The following DPP10 variants were observed in gnomAD, a reference collection of about 807,000 sequenced individuals.
DPP10 encodes dipeptidyl peptidase like 10.
DPP10 carries 33 observed loss-of-function variants against 120.9 expected under a neutral mutation model. That is an observed-to-expected ratio of 0.27 (90% CI 0.21 to 0.37). The LOEUF (loss-of-function observed/expected upper bound fraction) is 0.37. DPP10 is among the 10% of genes least tolerant of loss of function. The probability of loss-of-function intolerance (pLI) is 1.00; values close to 1 mark genes in which losing one functional copy is unlikely to be tolerated. For missense variants in DPP10, 816 were observed against 942.8 expected (o/e 0.87, Z 1.76); for synonymous variants, 337 against 326.1 (o/e 1.03, Z -0.36).
intron 1 of DPP10, among the ~76,000 whole-genome samples, chr2:114,708,634 T>TA (rs578002303): frequency 2.2e-4 from 34 of 151,890 alleles, no homozygotes; most frequent in African/African-American, 5.1e-4. Context: ...ATCACTGTGG[T>TA]AAAAAAAAGG....
intron 1 of DPP10, among the ~76,000 whole-genome samples, chr2:115,013,064 T>G (rs1380341442): frequency 6.6e-6 from 1 of 152,176 alleles, no homozygotes; most frequent in Admixed American, 6.5e-5. Flanking sequence ...ATTTTGCCCA[T>G]TAGTTGACGC....
chr2:114,897,778 C>A (rs1020463756), intron 1 of DPP10, among the ~76,000 whole-genome samples: 1 of 152,144 alleles, frequency 6.6e-6, no homozygotes, highest in Admixed American at 6.5e-5. Context: ...TAGAGAAATG[C>A]AAATCAAAAC....
At chr2:114,823,981 G>C (rs1055060806) in intron 1 of DPP10, among the ~76,000 whole-genome samples, 2 of 152,130 alleles carry the variant, frequency 1.3e-5, no homozygotes, top group Non-Finnish European at 2.9e-5. Flanking sequence ...TCAACAGAAG[G>C]GCTTTCCAAA....
At chr2:115,549,851 G>A (rs1216708057) in intron 5 of DPP10, among the ~76,000 whole-genome samples, 2 of 152,046 alleles carry the variant, frequency 1.3e-5, no homozygotes, top group Non-Finnish European at 1.5e-5. Context: ...CCATGCTCCA[G>A]GAACATTTGA....
At chr2:115,224,266 ATG>A (rs766909767) in intron 1 of DPP10, among the ~76,000 whole-genome samples, 1 of 152,140 alleles carries the variant, frequency 6.6e-6, no homozygotes, top group Non-Finnish European at 1.5e-5. Flanking sequence ...TGAGTTAACT[ATG>A]TGAAAGTTAG....
intron 1 of DPP10, among the ~76,000 whole-genome samples, chr2:114,565,426 A>G (rs969068129): frequency 2.0e-5 from 3 of 152,178 alleles, no homozygotes; most frequent in African/African-American, 7.2e-5. Context: ...CACTTAAAGC[A>G]TTCTTATTGA....
At chr2:114,613,598 C>A (rs1300318179) in intron 1 of DPP10, among the ~76,000 whole-genome samples, 1 of 152,098 alleles carries the variant, frequency 6.6e-6, no homozygotes, top group African/African-American at 2.4e-5. Flanking sequence ...CATGACCCAG[C>A]AATCCCTTTA....
At chr2:115,305,151 C>G (rs1186389954) in intron 1 of DPP10, among the ~76,000 whole-genome samples, 1 of 152,016 alleles carries the variant, frequency 6.6e-6, no homozygotes, top group African/African-American at 2.4e-5. Flanking sequence ...TTCTAGACCC[C>G]CTCCTTGTGA....
intron 1 of DPP10, among the ~76,000 whole-genome samples, chr2:114,840,520 C>A (rs1688074460): frequency 6.6e-6 from 1 of 152,084 alleles, no homozygotes; most frequent in African/African-American, 2.4e-5. Flanking sequence ...ATAATCAAAA[C>A]CCCCCAAAAC....
chr2:114,529,841 C>T (rs1176881097), intron 1 of DPP10, among the ~76,000 whole-genome samples: 3 of 152,210 alleles, frequency 2.0e-5, no homozygotes, highest in South Asian at 4.1e-4. Context: ...TCCCTCCTCC[C>T]TCCCTCTGTC....
At chr2:115,590,663 A>G (rs1461705906) in intron 5 of DPP10, among the ~76,000 whole-genome samples, 1 of 152,200 alleles carries the variant, frequency 6.6e-6, no homozygotes, top group East Asian at 1.9e-4. Flanking sequence ...CATGATTTAC[A>G]GTCCTTTGGG....
At chr2:114,591,104 A>G (rs148172851) in intron 1 of DPP10, among the ~76,000 whole-genome samples, 103 of 152,302 alleles carry the variant, frequency 6.8e-4, no homozygotes, top group African/African-American at 2.2e-3. Flanking sequence ...CAGAGCAGGG[A>G]GAAGGGTTAG....
At chr2:115,086,774 A>G (rs577607762) in intron 1 of DPP10, among the ~76,000 whole-genome samples, 33 of 152,246 alleles carry the variant, frequency 2.2e-4, no homozygotes, top group Non-Finnish European at 3.7e-4. Flanking sequence ...TATTTCTTAA[A>G]TGTATTTAAT....
chr2:115,264,118 T>G (rs939401426), intron 1 of DPP10, among the ~76,000 whole-genome samples: 1 of 152,118 alleles, frequency 6.6e-6, no homozygotes, highest in Non-Finnish European at 1.5e-5. Context: ...TTTTCAAGAG[T>G]GTTAACAGGT....
At chr2:114,786,369 A>G (rs1402060846) in intron 1 of DPP10, among the ~76,000 whole-genome samples, 1 of 152,234 alleles carries the variant, frequency 6.6e-6, no homozygotes, top group Non-Finnish European at 1.5e-5. Context: ...CCTCCAGGGT[A>G]GGAGAATAAT....
In DPP10 at chr2:115,689,823, A is replaced by T; in HGVS notation, c.495-17A>T. The T allele has an allele frequency of 6.2e-7, 1 of 1,611,642 alleles. No homozygotes were observed. The highest frequency in any genetic ancestry group is 1.1e-5 in the South Asian group (1 of 90,992). Reference sequence around the variant, plus strand: ...GATATCAGTTTGTTCATGTAAAAATATTCACATTTTTTCAAGGGAAGTTTG... The same window carrying T: ...GATATCAGTTTGTTCATGTAAAAATTTTCACATTTTTTCAAGGGAAGTTTG... On this transcript the variant is annotated splice_polypyrimidine_tract_variant and intron_variant, in intron 6 of 25. Transcript: ENST00000410059.
intron 1 of DPP10, among the ~76,000 whole-genome samples, chr2:115,184,024 GT>G (rs1253846176): frequency 6.6e-6 from 1 of 152,100 alleles, no homozygotes; most frequent in Non-Finnish European, 1.5e-5. Context: ...TGCAACATTA[GT>G]TTTAACTTTA....
At chr2:114,879,699 AG>A (rs1277146395) in intron 1 of DPP10, among the ~76,000 whole-genome samples, 3 of 152,006 alleles carry the variant, frequency 2.0e-5, no homozygotes, top group African/African-American at 7.2e-5. Flanking sequence ...GAAAATTGAA[AG>A]AAAAAAAACA....
chr2:114,552,539 T>C (rs1225706332), intron 1 of DPP10, among the ~76,000 whole-genome samples: 3 of 152,122 alleles, frequency 2.0e-5, no homozygotes, highest in Non-Finnish European at 4.4e-5. Context: ...ACATTCTTTT[T>C]TCTTTCTCTT....
Sources: gnomAD v4.1 joint callset for allele counts (sites outside exome capture counted in the v4.1 genomes callset) on GRCh38, gnomAD v4.1.1 for gene constraint, MANE v1.5 for transcripts, NCBI Gene and HGNC (gene_info 2026-07-23, HGNC 2026-07-21) for gene names.